The following SLC4A8 variants were observed in gnomAD, a reference collection of about 807,000 sequenced individuals.
SLC4A8 encodes the protein solute carrier family 4 member 8, also known as electroneutral sodium bicarbonate exchanger 1.
In SLC4A8, 40 loss-of-function variants were observed where a neutral mutation model predicts 125.0. That is an observed-to-expected ratio of 0.32 (90% CI 0.25 to 0.42). SLC4A8 has a LOEUF of 0.42. Ranked by LOEUF, SLC4A8 falls within the 10% of genes least tolerant of loss-of-function variation. SLC4A8 has a pLI of 1.00. For synonymous variants in SLC4A8, 456 were observed against 476.0 expected, an observed-to-expected ratio of 0.96 and a Z score of 0.55; for missense variants, 863 against 1,355.1, an observed-to-expected ratio of 0.64 and a Z score of 5.70.
At chr12:51,429,761 G>A (rs1318575817) in intron 1 of SLC4A8, among the ~76,000 whole-genome samples, 1 of 151,586 alleles carries the variant, frequency 6.6e-6, no homozygotes, top group Non-Finnish European at 1.5e-5. Context: ...CTCACCCCTC[G>A]GCCTCCTGAA....
chr12:51,443,115 T>A (rs939345095), intron 2 of SLC4A8, among the ~76,000 whole-genome samples: 1 of 151,926 alleles, frequency 6.6e-6, no homozygotes. Context: ...AGAATATGAG[T>A]TTTTTGTTTT....
intron 1 of SLC4A8, among the ~76,000 whole-genome samples, chr12:51,409,467 T>G (rs1386397457): frequency 6.6e-6 from 1 of 152,236 alleles, no homozygotes; most frequent in African/African-American, 2.4e-5. Flanking sequence ...TGAATTTTCT[T>G]ACTATTTGCA....
intron 20 of SLC4A8, among the ~76,000 whole-genome samples, chr12:51,494,094 G>A (rs759028734): frequency 6.6e-6 from 1 of 152,162 alleles, no homozygotes; most frequent in African/African-American, 2.4e-5. Context: ...GATCTGAAAG[G>A]TTGATCAAGA....
chr12:51,450,680 G>A (rs1949935645), intron 2 of SLC4A8, 196 bp from the exon 3 acceptor site: 2 of 599,698 alleles, frequency 3.3e-6, no homozygotes, highest in Admixed American at 3.1e-5. Context: ...GGCATGTGCA[G>A]GACAAAGGAA....
At chr12:51,466,637 T>C (rs1950523765) in intron 11 of SLC4A8, 1 of 152,188 alleles carries the variant, frequency 6.6e-6, no homozygotes, top group South Asian at 2.1e-4. Context: ...GAAAGAAGCA[T>C]CCATGCCTGA....
intron 17 of SLC4A8, 111 bp downstream of exon 17, chr12:51,486,011 A>G (rs1450916371): frequency 3.2e-6 from 2 of 632,466 alleles, no homozygotes; most frequent in Non-Finnish European, 5.7e-6. Flanking sequence ...CAGTCCCCTA[A>G]ATCTGAACCT....
At chr12:51,410,090 A>G (rs2137964829) in intron 1 of SLC4A8, among the ~76,000 whole-genome samples, 1 of 152,262 alleles carries the variant, frequency 6.6e-6, no homozygotes, top group East Asian at 1.9e-4. Context: ...CTGGGCCTCT[A>G]TGCCTGGTTT....
chr12:51,461,341 T>A (rs760640050), intron 9 of SLC4A8, 50 bp downstream of exon 9: 10 of 1,060,826 alleles, frequency 9.4e-6, no homozygotes, highest in Non-Finnish European at 1.5e-5. Flanking sequence ...ATTTATTGAA[T>A]ATTTACTCTG....
intron 1 of SLC4A8, among the ~76,000 whole-genome samples, chr12:51,413,806 T>C (rs1296167191): frequency 6.6e-6 from 1 of 152,232 alleles, no homozygotes; most frequent in Non-Finnish European, 1.5e-5. Flanking sequence ...GATACCATGC[T>C]GGTTTTGCTT....
chr12:51,492,643 C>T (rs1951348290), intron 19 of SLC4A8, among the ~76,000 whole-genome samples: 1 of 152,192 alleles, frequency 6.6e-6, no homozygotes, highest in South Asian at 2.1e-4. Flanking sequence ...ACAGCTGGAA[C>T]ATAAAATCCA....
At chr12:51,450,028 C>CAAGAAGAAA (rs1949912428) in intron 2 of SLC4A8, among the ~76,000 whole-genome samples, 1 of 151,910 alleles carries the variant, frequency 6.6e-6, no homozygotes, top group South Asian at 2.1e-4. Context: ...GATACTGTCT[C>CAAGAAGAAA]AAGAAGAAAA....
intron 1 of SLC4A8, among the ~76,000 whole-genome samples, chr12:51,413,936 TA>T (rs1385504696): frequency 6.6e-6 from 1 of 152,330 alleles, no homozygotes; most frequent in African/African-American, 2.4e-5. Context: ...ATTTTACGAT[TA>T]TTTTTTCTAT....
At chr12:51,455,303 G>GTTCCTACCT (rs1482031986) in intron 5 of SLC4A8, among the ~76,000 whole-genome samples, 4 of 151,798 alleles carry the variant, frequency 2.6e-5, no homozygotes, top group Non-Finnish European at 5.9e-5. Flanking sequence ...GAAAGAAACG[G>GTTCCTACCT]TTCCTACCTT....
intron 23 of SLC4A8, 116 bp downstream of exon 23, chr12:51,504,236 C>T: frequency 1.5e-6 from 1 of 684,436 alleles, no homozygotes; most frequent in East Asian, 2.7e-5. Flanking sequence ...AAATATTCAG[C>T]CTCCCAGTTC....
At chr12:51,481,125 CAT>C (rs1951015915) in intron 16 of SLC4A8, among the ~76,000 whole-genome samples, 1 of 152,186 alleles carries the variant, frequency 6.6e-6, no homozygotes, top group Admixed American at 6.5e-5. Flanking sequence ...TAGGGTCAGA[CAT>C]GTGAAATGTG....
intron 14 of SLC4A8, among the ~76,000 whole-genome samples, chr12:51,473,584 A>G (rs1950771335): frequency 1.3e-5 from 2 of 152,170 alleles, no homozygotes; most frequent in Non-Finnish European, 2.9e-5. Flanking sequence ...AGGCATGCTT[A>G]TTAAATTCAC....
chr12:51,497,175 A>T (rs1328331454), intron 22 of SLC4A8, 51 bp downstream of exon 22: 30 of 1,553,922 alleles, frequency 1.9e-5, no homozygotes, highest in Non-Finnish European at 2.6e-5. Flanking sequence ...ATTACAGAAC[A>T]TAGGAAGGGT....
intron 1 of SLC4A8, among the ~76,000 whole-genome samples, chr12:51,407,092 G>C (rs907328329): frequency 2.6e-5 from 4 of 152,146 alleles, no homozygotes; most frequent in Non-Finnish European, 5.9e-5. Context: ...GTCTGGTGAG[G>C]GCTGCTCTCC....
chr12:51,468,109 A>G (rs1950576489), intron 11 of SLC4A8, among the ~76,000 whole-genome samples: 1 of 152,202 alleles, frequency 6.6e-6, no homozygotes, highest in African/African-American at 2.4e-5. Context: ...GATTTGTGCT[A>G]TAAAATGCCG....
Sources: gnomAD v4.1 joint callset for allele counts (sites outside exome capture counted in the v4.1 genomes callset) on GRCh38, gnomAD v4.1.1 for gene constraint, MANE v1.5 for transcripts, NCBI Gene and HGNC (gene_info 2026-07-23, HGNC 2026-07-21) for gene names.